Variants in SUSD1 observed in about 807,000 individuals in gnomAD.
SUSD1 encodes the protein sushi domain-containing protein 1.
Under a neutral mutation model 86.9 loss-of-function variants are expected in SUSD1, and 65 were observed. That is an observed-to-expected ratio of 0.75 (90% CI 0.61 to 0.92). The LOEUF (loss-of-function observed/expected upper bound fraction) is 0.92. Among genes scored for constraint, SUSD1 ranks in the 40% least tolerant of loss-of-function variants. SUSD1 has a pLI of 0.00. For missense variants in SUSD1, 850 were observed against 929.7 expected (o/e 0.91, Z 1.11); for synonymous variants, 346 against 350.0 (o/e 0.99, Z 0.13).
At position 112,098,621 on chromosome 9, in the gene SUSD1, A is replaced by C. The variant is rs1366151108; in HGVS notation, c.1323T>G (p.Ser441=). The stretch of plus-strand genomic sequence containing the variant: ...TTGTGAAGTTAAACGATGTTGCATG[A>C]GAAAAGTTAGCCAGATACCACCTCT... ...LGQRWYLANF[S]HATSFNFTTR... is the part of the protein sequence containing the mutation. Residue 441 remains serine (S), a synonymous_variant, in exon 10 of 17, where the codon TCT becomes TCG. Coordinates refer to ENST00000374270, the MANE Select transcript of SUSD1 (RefSeq NM_022486.5). 35 of 1,614,088 alleles carry C rather than the reference A, an allele frequency of 2.2e-5. No homozygotes were observed. In the East Asian group the frequency reaches 7.8e-4, roughly 36 times the overall value.
intron 14 of SUSD1, among the ~76,000 whole-genome samples, chr9:112,056,710 TTGTGTGTGTG>T (rs58974133): frequency 6.8e-6 from 1 of 146,920 alleles, no homozygotes; most frequent in Non-Finnish European, 1.5e-5. Flanking sequence ...CCAGAATTCT[TTGTGTGTGTG>T]TGTGTGTGTG....
intron 10 of SUSD1, among the ~76,000 whole-genome samples, chr9:112,082,589 C>T (rs967541484): frequency 6.6e-6 from 1 of 152,120 alleles, no homozygotes; most frequent in Non-Finnish European, 1.5e-5. Context: ...ATAGATTCTC[C>T]CCTAGATACC....
intron 1 of SUSD1, chr9:112,169,234 C>T (rs2131860013): frequency 6.6e-6 from 1 of 152,194 alleles, no homozygotes; most frequent in Admixed American, 6.6e-5. Context: ...CATATATTTC[C>T]CACACCCACC....
In SUSD1 at chr9:112,175,057, G is replaced by A. The variant is rs937157880; in HGVS notation, c.103+76C>T. 5.0e-4 allele frequency: 495 copies of A among 980,458 alleles called. 3 individuals carry two copies. In the Middle Eastern group the frequency reaches 5.2e-3, roughly 10 times the overall value. 60.7% of individuals were successfully genotyped at this position (980,458 alleles called of 1,614,324 possible). ...CGGCCCGGCCCAGGGGCGGGGAAGC[G>A]TCCGTGCGCCCAGAGTCCTCGAGGC... On this transcript the variant is annotated intron_variant, in intron 1 of 16. Coordinates refer to ENST00000374270, the MANE Select transcript of SUSD1 (RefSeq NM_022486.5). This position sits in a 1 kb window ranked among gnomAD's most constrained non-coding sequence, Gnocchi z 4.7.
intron 9 of SUSD1, 129 bp from the exon 10 acceptor site, chr9:112,098,791 T>C: frequency 1.2e-6 from 1 of 851,990 alleles, no homozygotes; most frequent in Non-Finnish European, 1.8e-6. Context: ...AGAATTACTT[T>C]TAAGACAATA....
At chr9:112,072,420 A>T (rs528263816) in intron 12 of SUSD1, among the ~76,000 whole-genome samples, 7 of 151,956 alleles carry the variant, frequency 4.6e-5, no homozygotes, top group Non-Finnish European at 1.0e-4. Context: ...TACAGGCATG[A>T]GCCACCGTGC....
In SUSD1 at chr9:112,112,796, C is replaced by G; in HGVS notation, c.959G>C (p.Arg320Thr). The stretch of plus-strand genomic sequence containing the variant: ...CACATATGAGATCTTGGGGTTTATT[C>G]TTCTTGAGTTTATTTGCCATCTCAC... ...TCVRWQINSR[R>T]INPKISYVIS... is the part of the protein sequence containing the mutation. The change falls in exon 7 of 17, where the codon AGA becomes ACA. Residue 320 changes from arginine (R) to threonine (T), a missense_variant. Transcript: ENST00000374270. 6.2e-7 allele frequency: 1 copy of G among 1,612,810 alleles called. No individual in the cohort carries two copies.
chr9:112,127,229 G>A (rs967619184), intron 5 of SUSD1, among the ~76,000 whole-genome samples: 3 of 152,054 alleles, frequency 2.0e-5, no homozygotes, highest in African/African-American at 4.8e-5. Context: ...AAAATTACCC[G>A]GGCGTGGTGG....
Position 112,175,134 on chromosome 9 carries a change from G to T in SUSD1, c.102C>A (p.Asp34Glu), listed in dbSNP as rs1834221907. ...ARGAAGAPGP[D>E]GLDVCATCHE... The stretch of plus-strand genomic sequence containing the variant: ...GTGCCCGTCCCAGCCCGCACTCACC[G>T]TCGGGGCCCGGCGCTCCCGCGGCGC... The change falls in exon 1 of 17, where the codon GAC (aspartate) becomes GAA (glutamate). Residue 34 changes from aspartate to glutamate, a missense_variant and splice_region_variant. By Grantham distance (45) the Asp-to-Glu change is conservative (BLOSUM62 2). Transcript: ENST00000374270. The surrounding 1 kb of genome is among the most constrained non-coding windows in gnomAD (Gnocchi z 4.7). 1 of 1,049,136 alleles carries T rather than the reference G, an allele frequency of 9.5e-7. No homozygotes were observed. Among genetic ancestry groups the T allele is most frequent in the Non-Finnish European group, 1.1e-6 (1 of 874,288 alleles). 65.0% of individuals were successfully genotyped at this position (1,049,136 alleles called of 1,614,324 possible). A position where few individuals can be genotyped will look rare whatever the true frequency, so the allele number is the denominator to read the frequency against.
rs1186372207 is a variant in SUSD1, at chr9:112,041,248, T to A, written c.*244A>T. ...GTGTACATCAGGAGTCTCAAGTTCA[T>A]TGCACAGAACTGGTCCTGTAGCAGG... On this transcript the variant is annotated 3_prime_UTR_variant, in exon 17 of 17. Transcript: ENST00000374270. The A allele has an allele frequency of 8.3e-6, 5 of 601,276 alleles. No homozygotes were observed. In the African/African-American group the frequency reaches 9.3e-5, roughly 11 times the overall value. The allele number at this position is 601,276 out of a possible 1,614,324, so 37.2% of individuals were successfully genotyped here. A position where few individuals can be genotyped will look rare whatever the true frequency, so the allele number is the denominator to read the frequency against.
At chr9:112,099,037 C>G (rs991959964) in intron 9 of SUSD1, among the ~76,000 whole-genome samples, 6 of 151,678 alleles carry the variant, frequency 4.0e-5, no homozygotes. Context: ...CTCTCTCTCT[C>G]TCTCTCTCTC....
chr9:112,073,670 T>TTGAG (rs1829389530), intron 12 of SUSD1, among the ~76,000 whole-genome samples: 1 of 152,122 alleles, frequency 6.6e-6, no homozygotes, highest in African/African-American at 2.4e-5. Flanking sequence ...GGCAGATCAC[T>TTGAG]TGAGGTCAGG....
intron 8 of SUSD1, among the ~76,000 whole-genome samples, chr9:112,107,547 AG>A (rs1385429995): frequency 2.0e-5 from 3 of 152,164 alleles, no homozygotes. Flanking sequence ...CAAAAATAAA[AG>A]TTTTCCAGAA....
chr9:112,073,589 C>A (rs780238539), intron 12 of SUSD1, among the ~76,000 whole-genome samples: 2 of 144,342 alleles, frequency 1.4e-5, no homozygotes, highest in African/African-American at 2.6e-5. Flanking sequence ...TTAGACTTAG[C>A]AAGAAAATAG....
At chr9:112,078,450 T>TA (rs1257501065) in intron 12 of SUSD1, 88 bp downstream of exon 12, 26 of 1,338,362 alleles carry the variant, frequency 1.9e-5, no homozygotes, top group Non-Finnish European at 2.4e-5. Context: ...TATATAATGA[T>TA]AAAAAGCAAC....
Position 112,169,768 on chromosome 9 carries a change from G to A in SUSD1, c.103+5365C>T, listed in dbSNP as rs548580732. 2.7e-5 allele frequency among the ~76,000 whole-genome samples: 4 copies of A among 149,920 alleles called. 1 individual carries two copies. Among genetic ancestry groups the A allele is most frequent in the South Asian group, 4.2e-4 (2 of 4,716 alleles). Reference sequence around the variant, plus strand: ...CGGCTCACTGCAACCTCCACCTCCCGGGTTCAGGCTATTCTCCTGTCTCAG... The same window carrying A: ...CGGCTCACTGCAACCTCCACCTCCCAGGTTCAGGCTATTCTCCTGTCTCAG... On this transcript the variant is annotated intron_variant, in intron 1 of 16. Transcript: ENST00000374270.
Position 112,102,171 on chromosome 9 carries a change from C to T in SUSD1, c.1281+5G>A. On this transcript the variant is annotated splice_donor_5th_base_variant and intron_variant, in intron 9 of 16. Transcript: ENST00000374270. ...TTTAATGGAAAGCATAAGAGATCTC[C>T]TTACTTGGTACATGTGTTCTGATCC... The T allele has an allele frequency of 6.5e-7, 1 of 1,530,316 alleles. No individual in the cohort carries two copies. Among genetic ancestry groups the T allele is most frequent in the Non-Finnish European group, 8.8e-7 (1 of 1,130,062 alleles). 94.8% of individuals were successfully genotyped at this position (1,530,316 alleles called of 1,614,324 possible). A position where few individuals can be genotyped will look rare whatever the true frequency, so the allele number is the denominator to read the frequency against.
chr9:112,174,582 C>T (rs1834184988), intron 1 of SUSD1, among the ~76,000 whole-genome samples: 1 of 152,170 alleles, frequency 6.6e-6, no homozygotes, highest in African/African-American at 2.4e-5. Flanking sequence ...TGTTCAAGGG[C>T]CATCTGTTGA....
chr9:112,154,219 T>C (rs1833190839), intron 2 of SUSD1, among the ~76,000 whole-genome samples: 1 of 151,498 alleles, frequency 6.6e-6, no homozygotes. Context: ...CCAGGTGCAG[T>C]AGCTCACACC....
Sources: allele counts gnomAD v4.1 joint callset (sites outside exome capture counted in the v4.1 genomes callset), GRCh38; gene constraint gnomAD v4.1.1; non-coding constraint Gnocchi (gnomAD v3.1); transcripts MANE v1.5; gene names NCBI Gene and HGNC (gene_info 2026-07-23, HGNC 2026-07-21).